Variants in SEMA6A observed in about 807,000 individuals in gnomAD.
The protein encoded by SEMA6A is semaphorin-6A.
Under a neutral mutation model 96.8 loss-of-function variants are expected in SEMA6A, and 25 were observed. The ratio of observed to expected loss-of-function variants is 0.26; its 90% CI spans 0.19 to 0.36. SEMA6A has a LOEUF of 0.36. Among genes scored for constraint, SEMA6A ranks in the 10% least tolerant of loss-of-function variants. The pLI is 1.00. For missense variants in SEMA6A, 1,363 were observed against 1,323.1 expected (o/e 1.03, Z -0.47); for synonymous variants, 612 against 518.0 (o/e 1.18, Z -2.46).
chr5:116,494,730 C>T (rs1342430944), intron 6 of SEMA6A, among the ~76,000 whole-genome samples: 1 of 152,182 alleles, frequency 6.6e-6, no homozygotes, highest in Admixed American at 6.5e-5. Flanking sequence ...GTACATGTTT[C>T]CTGAGACAAA....
chr5:116,566,941 A>G (rs1051313763), intron 1 of SEMA6A, among the ~76,000 whole-genome samples: 1 of 152,162 alleles, frequency 6.6e-6, no homozygotes. Flanking sequence ...AAGGGTTCCA[A>G]TCAGCAGCCG....
chr5:116,532,352 A>G (rs943335389), intron 1 of SEMA6A, among the ~76,000 whole-genome samples: 11 of 152,356 alleles, frequency 7.2e-5, no homozygotes, highest in Middle Eastern at 3.4e-3. Flanking sequence ...ATATGAATGT[A>G]TATCCAAGTC....
intron 1 of SEMA6A, among the ~76,000 whole-genome samples, chr5:116,522,554 C>CG (rs1175571922): frequency 4.6e-5 from 7 of 152,070 alleles, no homozygotes; most frequent in Non-Finnish European, 8.8e-5. Context: ...AACCCGCCTG[C>CG]GTGCCATATG....
In SEMA6A at chr5:116,474,988, A is replaced by G. The variant is rs751123030; in HGVS notation, c.1708+557T>C. ...TTTAATAACTATCTCTGAGATTTAC[A>G]TAGTAGGCCAATTCCTATAAAAAGA... On this transcript the variant is annotated intron_variant, in intron 16 of 18. Coordinates refer to ENST00000343348, the MANE Select transcript of SEMA6A (RefSeq NM_020796.5). Among the ~76,000 whole-genome samples the G allele has an allele frequency of 5.9e-5, 9 of 152,328 alleles. No homozygotes were observed. The East Asian group carries it at 1.7e-3, about 29-fold the overall frequency.
chr5:116,504,458 T>C (rs941780984), intron 2 of SEMA6A, among the ~76,000 whole-genome samples: 2 of 152,242 alleles, frequency 1.3e-5, no homozygotes, highest in African/African-American at 4.8e-5. Context: ...AAATGGTCAT[T>C]ACTTTTTGTT....
At chr5:116,568,128 A>G (rs765115387) in intron 1 of SEMA6A, among the ~76,000 whole-genome samples, 1 of 152,216 alleles carries the variant, frequency 6.6e-6, no homozygotes, top group Admixed American at 6.5e-5. Context: ...AATTTAGAAG[A>G]TGAAGTAGGA....
rs770742453 is a variant in SEMA6A, at chr5:116,447,522, G to C, written c.2184C>G (p.His728Gln). The change falls in exon 19 of 19, where the codon CAC becomes CAG. Residue 728 changes from histidine (H) to glutamine (Q), a missense_variant. His to Gln is a conservative substitution (Grantham distance 24). Transcript: ENST00000343348. ...TGCCGGGAGTGGCGAGCTTGCCGTT[G>C]TGCATGAGTGGCGTGAGGATGGCCT... ...KPEAILTPLMHNGKLATPGNT... is the reference protein window; with the variant it reads ...KPEAILTPLMQNGKLATPGNT... 2 of 1,614,088 alleles carry C rather than the reference G, an allele frequency of 1.2e-6. No individual in the cohort carries two copies. The highest frequency in any genetic ancestry group is 3.3e-5 in the Admixed American group (2 of 60,030).
chr5:116,465,820 T>A (rs1438257704), intron 18 of SEMA6A, among the ~76,000 whole-genome samples: 1 of 152,160 alleles, frequency 6.6e-6, no homozygotes, highest in Non-Finnish European at 1.5e-5. Context: ...AAGGCTGTTT[T>A]ATTTTGTTTC....
At chr5:116,454,023 G>A (rs1304405196) in intron 18 of SEMA6A, among the ~76,000 whole-genome samples, 1 of 152,184 alleles carries the variant, frequency 6.6e-6, no homozygotes, top group Admixed American at 6.5e-5. Context: ...AAATGGTTAA[G>A]TGTGCACTTT....
intron 1 of SEMA6A, among the ~76,000 whole-genome samples, chr5:116,572,791 T>A (rs1474706169): frequency 6.6e-6 from 1 of 152,204 alleles, no homozygotes; most frequent in African/African-American, 2.4e-5. Context: ...GCTGTCCGCA[T>A]GATTCCCTCC....
intron 18 of SEMA6A, among the ~76,000 whole-genome samples, chr5:116,456,666 G>A (rs1231024002): frequency 1.3e-5 from 2 of 152,150 alleles, no homozygotes; most frequent in Non-Finnish European, 2.9e-5. Context: ...CTCTGTAACT[G>A]TGGCCGTCAG....
intron 1 of SEMA6A, among the ~76,000 whole-genome samples, chr5:116,551,142 G>A (rs1177619402): frequency 1.3e-5 from 2 of 152,052 alleles, no homozygotes; most frequent in Non-Finnish European, 2.9e-5. Flanking sequence ...TACACATACA[G>A]GTCATGACCA....
chr5:116,556,798 C>T (rs1365857783), intron 1 of SEMA6A, among the ~76,000 whole-genome samples: 1 of 152,166 alleles, frequency 6.6e-6, no homozygotes, highest in Non-Finnish European at 1.5e-5. Context: ...CCACTGTTAC[C>T]AGTAACCATT....
At chr5:116,469,785 A>G (rs193023565) in intron 17 of SEMA6A, among the ~76,000 whole-genome samples, 45 of 152,364 alleles carry the variant, frequency 3.0e-4, no homozygotes, top group African/African-American at 8.4e-4. Context: ...TTCCTGGCCC[A>G]TATGCTGTGA....
intron 1 of SEMA6A, among the ~76,000 whole-genome samples, chr5:116,521,478 C>A (rs1758944764): frequency 6.6e-6 from 1 of 152,214 alleles, no homozygotes; most frequent in Non-Finnish European, 1.5e-5. Flanking sequence ...CTGCAGTGGG[C>A]TACAGACTGG....
rs1209093983 is a variant in SEMA6A, at chr5:116,446,671, G to C, written c.3035C>G (p.Pro1012Arg). The change falls in exon 19 of 19, where the codon CCC becomes CGC. Residue 1012 changes from proline to arginine, a missense_variant. By Grantham distance (103) the Pro-to-Arg change is moderately radical. Coordinates refer to ENST00000343348, the MANE Select transcript of SEMA6A (RefSeq NM_020796.5). ...GGAAAGGGGAGCAAAGGATGGTTTG[G>C]GGGGTACGTCCGGCTTTAGCGAGGG... ...RTPSLKPDVP[P>R]KPSFAPLSTS... 5 of 1,555,180 alleles carry C rather than the reference G, an allele frequency of 3.2e-6. No individual in the cohort carries two copies. Among genetic ancestry groups the C allele is most frequent in the African/African-American group, 1.4e-5 (1 of 73,806 alleles).
intron 18 of SEMA6A, among the ~76,000 whole-genome samples, chr5:116,454,789 AGTGTGTGTGTGTGTGTGTGTGCATGT>A (rs1262041015): frequency 2.0e-5 from 3 of 150,386 alleles, no homozygotes; most frequent in African/African-American, 7.3e-5. Flanking sequence ...TTTTCCTTTA[AGTGTGTGTGTGTGTGTGTGTGCATGT>A]GTGTGTGCGC....
At chr5:116,524,789 G>GACACACACACACAC (rs1379145592) in intron 1 of SEMA6A, among the ~76,000 whole-genome samples, 1 of 130,594 alleles carries the variant, frequency 7.7e-6, no homozygotes, top group Non-Finnish European at 1.6e-5. Flanking sequence ...CACACACACA[G>GACACACACACACAC]ACACACACAC....
intron 1 of SEMA6A, among the ~76,000 whole-genome samples, chr5:116,561,061 AC>A (rs1401406251): frequency 3.9e-5 from 6 of 152,248 alleles, no homozygotes; most frequent in African/African-American, 1.4e-4. Context: ...ATGGTTTGGG[AC>A]CTTGTCCACA....
Sources: gnomAD v4.1 joint callset for allele counts (sites outside exome capture counted in the v4.1 genomes callset) on GRCh38, gnomAD v4.1.1 for gene constraint, MANE v1.5 for transcripts, NCBI Gene and HGNC (gene_info 2026-07-23, HGNC 2026-07-21) for gene names.